The following CCND3 variants were observed in gnomAD, a reference collection of about 807,000 sequenced individuals.
CCND3 encodes G1/S-specific cyclin-D3.
A neutral mutation model predicts 28.7 loss-of-function variants in CCND3; 9 were observed. The ratio of observed to expected loss-of-function variants is 0.31; its 90% CI spans 0.19 to 0.55. The LOEUF is 0.55. Ranked by LOEUF, CCND3 falls within the 20% of genes least tolerant of loss-of-function variation. CCND3 has a pLI of 0.93. For missense variants in CCND3, 315 were observed against 385.8 expected (o/e 0.82, Z 1.54); for synonymous variants, 164 against 163.9 (o/e 1.00, Z 0.00).
chr6:42,000,542 C>G (rs1479306606), intron 1 of CCND3, among the ~76,000 whole-genome samples: 2 of 125,354 alleles, frequency 1.6e-5, no homozygotes, highest in Non-Finnish European at 3.3e-5. Flanking sequence ...AACATACTTT[C>G]TAATAACTGG....
intron 1 of CCND3, among the ~76,000 whole-genome samples, chr6:42,023,053 C>G (rs72664260): frequency 3.3e-5 from 5 of 152,034 alleles, no homozygotes; most frequent in Admixed American, 6.5e-5. Flanking sequence ...TTTGTGACCC[C>G]GAAATCAATA....
At chr6:41,991,360 C>T (rs910591134) in intron 1 of CCND3, among the ~76,000 whole-genome samples, 2 of 152,178 alleles carry the variant, frequency 1.3e-5, no homozygotes, top group African/African-American at 2.4e-5. Flanking sequence ...TGCCCAGCCC[C>T]GCTCAGGTAC....
intron 1 of CCND3, among the ~76,000 whole-genome samples, chr6:41,970,364 A>T (rs1004068099): frequency 6.6e-6 from 1 of 152,096 alleles, no homozygotes; most frequent in South Asian, 2.1e-4. Flanking sequence ...TAAAATAAAT[A>T]AAATAAAAAT....
chr6:41,945,737 G>A (rs914263076), upstream of CCND3, among the ~76,000 whole-genome samples: 1 of 152,208 alleles, frequency 6.6e-6, no homozygotes, highest in African/African-American at 2.4e-5. Context: ...ATGACTTTGA[G>A]AGAATTACTG....
chr6:41,974,496 A>G (rs1762119109), intron 1 of CCND3, among the ~76,000 whole-genome samples: 1 of 152,162 alleles, frequency 6.6e-6, no homozygotes, highest in African/African-American at 2.4e-5. Context: ...CACTCAGTGT[A>G]CAGTGAGCCC....
chr6:41,977,698 T>C (rs934937355), intron 1 of CCND3, among the ~76,000 whole-genome samples: 1 of 152,112 alleles, frequency 6.6e-6, no homozygotes, highest in Non-Finnish European at 1.5e-5. Flanking sequence ...CATTTTCTTA[T>C]ATGAAAAATT....
chr6:42,020,359 T>C (rs938213003), intron 1 of CCND3, among the ~76,000 whole-genome samples: 6 of 152,234 alleles, frequency 3.9e-5, no homozygotes, highest in African/African-American at 1.4e-4. Context: ...TAGCCCTTCT[T>C]GGCGCCTGCA....
intron 1 of CCND3, among the ~76,000 whole-genome samples, chr6:41,950,552 CT>C (rs1427716457): frequency 6.6e-6 from 1 of 152,120 alleles, no homozygotes; most frequent in Non-Finnish European, 1.5e-5. Flanking sequence ...GGGAAAAGTA[CT>C]TTAGCTGTCC....
At position 41,941,689 on chromosome 6, in the gene CCND3, C is replaced by G. The variant is rs1235933891; in HGVS notation, c.-40G>C. On this transcript the variant is annotated 5_prime_UTR_variant, in exon 1 of 5. Transcript: ENST00000372991. This position sits in a 1 kb window ranked among gnomAD's most constrained non-coding sequence, Gnocchi z 6.1. ...CAGGCAGGGCGGGAGTGCGGGCTCG[C>G]GAGTCCCAAGGCAGGCGACGGGCCG... The G allele has an allele frequency of 5.3e-6, 7 of 1,322,532 alleles. No individual in the cohort carries two copies. In the East Asian group the frequency reaches 2.2e-4, roughly 41 times the overall value. 81.9% of individuals were successfully genotyped at this position (1,322,532 alleles called of 1,614,324 possible).
Position 41,936,894 on chromosome 6 carries a change from CTGCCAGTT to C in CCND3, c.575-207_575-200del. 1.6e-6 allele frequency: 1 copy of C among 614,766 alleles called. No individual in the cohort carries two copies. The highest frequency in any genetic ancestry group is 2.0e-5 in the South Asian group (1 of 49,792). 38.1% of individuals were successfully genotyped at this position (614,766 alleles called of 1,614,324 possible). A position where few individuals can be genotyped will look rare whatever the true frequency, so the allele number is the denominator to read the frequency against. On this transcript the variant is annotated intron_variant, in intron 3 of 4. Transcript: ENST00000372991. This position sits in a 1 kb window ranked among gnomAD's most constrained non-coding sequence, Gnocchi z 4.4. ...TATCTTTCCTAGAGATCAGAACCAA[CTGCCAGTT>C]TCCATAGGTCCCGGGAATAGACAAG... is the stretch of plus-strand genomic sequence containing the variant.
intron 1 of CCND3, among the ~76,000 whole-genome samples, chr6:41,995,925 A>G (rs993444496): frequency 7.9e-5 from 12 of 151,452 alleles, no homozygotes; most frequent in Non-Finnish European, 2.9e-5. Flanking sequence ...TTAAGTTATA[A>G]ATTTTAAAAT....
chr6:41,969,964 TG>T (rs891834744), intron 1 of CCND3, among the ~76,000 whole-genome samples: 2 of 152,152 alleles, frequency 1.3e-5, no homozygotes, highest in African/African-American at 4.8e-5. Flanking sequence ...CCCAGCTACT[TG>T]GGCGGCTTAG....
In CCND3 at chr6:41,936,840, T is replaced by C. The variant is rs771530261; in HGVS notation, c.575-145A>G. ...AACTCCAGCAGTGGGTGGGGCAAGATATCAGCAAGGGAGGAAGACAGGAAA... is the reference window on the plus strand; with the variant it reads ...AACTCCAGCAGTGGGTGGGGCAAGACATCAGCAAGGGAGGAAGACAGGAAA... On this transcript the variant is annotated intron_variant, in intron 3 of 4. Transcript: ENST00000372991. This position sits in a 1 kb window ranked among gnomAD's most constrained non-coding sequence, Gnocchi z 4.4. 23 of 745,600 alleles carry C rather than the reference T, an allele frequency of 3.1e-5. No individual in the cohort carries two copies. Among genetic ancestry groups the C allele is most frequent in the Non-Finnish European group, 5.0e-5 (23 of 458,348 alleles). The allele number at this position is 745,600 out of a possible 1,614,324, so 46.2% of individuals were successfully genotyped here.
At chr6:42,036,400 TATA>T (rs369797794) in intron 1 of CCND3, among the ~76,000 whole-genome samples, 622 of 42,804 alleles carry the variant, frequency 0.015, 41 homozygotes, top group East Asian at 0.039. Flanking sequence ...TATATATATA[TATA>T]TTTTTTTTTT....
At chr6:42,008,998 G>A (rs1446086132) in intron 1 of CCND3, among the ~76,000 whole-genome samples, 2 of 152,194 alleles carry the variant, frequency 1.3e-5, no homozygotes, top group Non-Finnish European at 2.9e-5. Context: ...GACAGAGAGG[G>A]TCTTCTTTCC....
intron 1 of CCND3, among the ~76,000 whole-genome samples, chr6:41,993,597 G>C (rs116228433): frequency 0.01 from 1,524 of 151,832 alleles, 36 homozygotes; most frequent in African/African-American, 0.035. Context: ...TTTCAATACA[G>C]ATGGGGTTTC....
intron 1 of CCND3, among the ~76,000 whole-genome samples, chr6:42,005,830 C>T (rs1393562613): frequency 1.3e-5 from 2 of 151,920 alleles, no homozygotes; most frequent in African/African-American, 2.4e-5. Context: ...ATTACAGGCA[C>T]CCGCCACCAT....
At chr6:41,942,872 C>CTTTTTTTTTTTTTTTTT (rs60884050), upstream of CCND3, among the ~76,000 whole-genome samples, 1 of 82,564 alleles carries the variant, frequency 1.2e-5, no homozygotes, top group Non-Finnish European at 2.2e-5. Flanking sequence ...GTTAATTATT[C>CTTTTTTTTTTTTTTTTT]TTTTTTTTTT....
upstream of CCND3, chr6:42,049,846 A>G (rs1764680896): frequency 1.3e-5 from 2 of 152,198 alleles, no homozygotes; most frequent in Non-Finnish European, 1.5e-5. Flanking sequence ...CTCCTTAATG[A>G]GAAAGATTCC....
Sources: gnomAD v4.1 joint callset for allele counts (sites outside exome capture counted in the v4.1 genomes callset) on GRCh38, gnomAD v4.1.1 for gene constraint, Gnocchi (gnomAD v3.1) non-coding constraint, MANE v1.5 for transcripts, NCBI Gene and HGNC (gene_info 2026-07-23, HGNC 2026-07-21) for gene names.